HAT1: variants seen among roughly 807,000 people sequenced by gnomAD.
The protein encoded by HAT1 is histone acetyltransferase 1.
In HAT1, 20 loss-of-function variants were observed where a neutral mutation model predicts 56.6. The ratio of observed to expected loss-of-function variants is 0.35; its 90% CI spans 0.25 to 0.51. HAT1 has a LOEUF of 0.51. HAT1 is among the 20% of genes least tolerant of loss of function. The probability of loss-of-function intolerance (pLI) is 0.95; values close to 1 mark genes in which losing one functional copy is unlikely to be tolerated. For synonymous variants in HAT1, 146 were observed against 165.5 expected (o/e 0.88, Z 0.91); for missense variants, 408 against 504.3 (o/e 0.81, Z 1.83).
At chr2:171,937,055 A>G (rs765920216) in intron 2 of HAT1, among the ~76,000 whole-genome samples, 11 of 152,088 alleles carry the variant, frequency 7.2e-5, no homozygotes, top group Non-Finnish European at 1.5e-4. Context: ...CCCAGGCTCA[A>G]GTGATCCTTC....
intron 2 of HAT1, among the ~76,000 whole-genome samples, chr2:171,944,664 T>C (rs1687112604): frequency 6.6e-6 from 1 of 152,206 alleles, no homozygotes; most frequent in Admixed American, 6.5e-5. Context: ...GTACTTCATA[T>C]TGCATTGAAT....
At chr2:171,965,747 G>A (rs371484531) in intron 5 of HAT1, 40 bp from the exon 6 acceptor site, 71 of 1,596,118 alleles carry the variant, frequency 4.4e-5, no homozygotes, top group Non-Finnish European at 6.0e-5. Flanking sequence ...ACTTACCTTT[G>A]TGATGAGTTT....
At chr2:171,925,970 G>C (rs1004712063) in intron 2 of HAT1, among the ~76,000 whole-genome samples, 2 of 151,896 alleles carry the variant, frequency 1.3e-5, no homozygotes, top group Admixed American at 1.3e-4. Context: ...GTGAGGATGT[G>C]GAAAAAAACA....
At chr2:171,931,933 C>A (rs945015444) in intron 2 of HAT1, among the ~76,000 whole-genome samples, 1 of 152,180 alleles carries the variant, frequency 6.6e-6, no homozygotes, top group Non-Finnish European at 1.5e-5. Context: ...GAGCCTTTCA[C>A]CATTCACTAT....
intron 2 of HAT1, among the ~76,000 whole-genome samples, chr2:171,926,912 A>G (rs556703066): frequency 6.6e-6 from 1 of 152,236 alleles, no homozygotes; most frequent in Non-Finnish European, 1.5e-5. Context: ...GATATATATC[A>G]GCTGGTAAAT....
intron 2 of HAT1, among the ~76,000 whole-genome samples, chr2:171,939,284 A>G (rs141320884): frequency 7.9e-5 from 12 of 152,340 alleles, no homozygotes; most frequent in Non-Finnish European, 1.8e-4. Flanking sequence ...ATCTCTGCTA[A>G]TGTTTGAAAC....
At chr2:171,945,070 C>T (rs1056232647) in intron 2 of HAT1, among the ~76,000 whole-genome samples, 15 of 152,108 alleles carry the variant, frequency 9.9e-5, no homozygotes, top group African/African-American at 3.4e-4. Context: ...GGCATTTCAC[C>T]ATATTGGTTA....
At chr2:171,950,950 C>A (rs1222105636) in intron 3 of HAT1, among the ~76,000 whole-genome samples, 1 of 152,072 alleles carries the variant, frequency 6.6e-6, no homozygotes, top group Non-Finnish European at 1.5e-5. Context: ...GCTGGGGTTA[C>A]AGGCGCCTGC....
intron 3 of HAT1, among the ~76,000 whole-genome samples, chr2:171,952,373 C>A (rs1254928089): frequency 6.6e-6 from 1 of 152,186 alleles, no homozygotes; most frequent in Non-Finnish European, 1.5e-5. Context: ...GCAGCAGTTC[C>A]ATATCTGCCT....
rs193142102 is a variant in HAT1 at position 171,951,101 on chromosome 2, G to A, written c.189-1780G>A. Among the ~76,000 whole-genome samples, 5 of 152,330 alleles carry A rather than the reference G, an allele frequency of 3.3e-5. No homozygotes were observed. In the East Asian group the frequency reaches 9.6e-4, roughly 29 times the overall value. The stretch of plus-strand genomic sequence containing the variant: ...GCTGGGATTACAGGCGTGAGCCACT[G>A]CACCAGGCCCTTATTGTGTTTTTAA... On this transcript the variant is annotated intron_variant, in intron 3 of 10. Transcript: ENST00000264108.
chr2:171,965,665 T>A (rs1687667122), intron 5 of HAT1, 122 bp from the exon 6 acceptor site: 1 of 1,040,532 alleles, frequency 9.6e-7, no homozygotes, highest in African/African-American at 1.6e-5. Flanking sequence ...TATGTCTGTA[T>A]CTATGTTCAC....
intron 3 of HAT1, among the ~76,000 whole-genome samples, 158 bp downstream of exon 3, chr2:171,946,941 C>T (rs1022135987): frequency 3.9e-5 from 6 of 151,958 alleles, no homozygotes; most frequent in Admixed American, 1.3e-4. Context: ...CATTGAGACA[C>T]CAGTTATTTT....
intron 2 of HAT1, among the ~76,000 whole-genome samples, chr2:171,935,515 C>CAAAA (rs56220004): frequency 7.2e-4 from 40 of 55,572 alleles, no homozygotes; most frequent in Admixed American, 1.4e-3. Context: ...AACTCCATCT[C>CAAAA]AAAAAAAAAA....
chr2:171,971,258 T>C (rs1687811140), intron 8 of HAT1, among the ~76,000 whole-genome samples: 1 of 152,246 alleles, frequency 6.6e-6, no homozygotes, highest in Non-Finnish European at 1.5e-5. Context: ...TTGTCTCTAG[T>C]AGAGTTTTTA....
At chr2:171,939,128 T>C (rs753362989) in intron 2 of HAT1, among the ~76,000 whole-genome samples, 52 of 152,214 alleles carry the variant, frequency 3.4e-4, no homozygotes, top group Non-Finnish European at 6.6e-4. Flanking sequence ...ACCTGACTTA[T>C]TCAAAAATGG....
At chr2:171,970,823 G>A (rs1687798133) in intron 8 of HAT1, among the ~76,000 whole-genome samples, 1 of 150,180 alleles carries the variant, frequency 6.7e-6, no homozygotes, top group Non-Finnish European at 1.5e-5. Context: ...TGGCTGCAAT[G>A]CAGTTGTTTT....
At chr2:171,925,710 T>G in intron 2 of HAT1, 69 bp downstream of exon 2, 1 of 690,360 alleles carries the variant, frequency 1.4e-6, no homozygotes, top group East Asian at 2.7e-5. Flanking sequence ...TCATTTTAAA[T>G]TTGAAGTAAA....
chr2:171,973,177 C>T (rs569983258), intron 8 of HAT1, among the ~76,000 whole-genome samples: 301 of 152,178 alleles, frequency 2.0e-3, no homozygotes, highest in African/African-American at 7.0e-3. Context: ...TGGAGCTGTG[C>T]GTTGATCTGC....
chr2:171,942,878 G>A (rs1393197581), intron 2 of HAT1, among the ~76,000 whole-genome samples: 1 of 151,942 alleles, frequency 6.6e-6, no homozygotes, highest in East Asian at 1.9e-4. Context: ...TCATAACTAG[G>A]CTTAAGACAA....
Sources: gnomAD v4.1 joint callset for allele counts (sites outside exome capture counted in the v4.1 genomes callset) on GRCh38, gnomAD v4.1.1 for gene constraint, MANE v1.5 for transcripts, NCBI Gene and HGNC (gene_info 2026-07-23, HGNC 2026-07-21) for gene names.